Variants in SPOCK3 observed in about 807,000 individuals in gnomAD.
SPOCK3 encodes testican-3.
In SPOCK3, 30 loss-of-function variants were observed where a neutral mutation model predicts 56.6. The ratio of observed to expected loss-of-function variants is 0.53; its 90% CI spans 0.40 to 0.72. The LOEUF (loss-of-function observed/expected upper bound fraction) is 0.72. SPOCK3 is among the 30% of genes least tolerant of loss of function. The pLI is 0.00. For synonymous variants in SPOCK3, 196 were observed against 183.3 expected, an observed-to-expected ratio of 1.07 and a Z score of -0.56; for missense variants, 527 against 530.0, an observed-to-expected ratio of 0.99 and a Z score of 0.06.
In SPOCK3 at chr4:167,027,916, T is replaced by C. The variant is rs72635172; in HGVS notation, c.236-27453A>G. ...ACCCATGTTGTTCAAGAATCAACTG[T>C]ACCTAAGTTTTGTTTTTTGTTTTCT... is the stretch of plus-strand genomic sequence containing the variant. On this transcript the variant is annotated intron_variant, in intron 3 of 10. Transcript: ENST00000357545. Among the ~76,000 whole-genome samples the C allele has an allele frequency of 5.5e-3, 832 of 152,138 alleles. 19 individuals carry two copies. The East Asian group carries it at 0.094, about 17-fold the overall frequency.
chr4:167,151,620 A>G (rs984786704), intron 2 of SPOCK3, among the ~76,000 whole-genome samples: 56 of 151,704 alleles, frequency 3.7e-4, no homozygotes, highest in African/African-American at 1.0e-3. Flanking sequence ...TATTTTTAGT[A>G]GAGACGGGGT....
chr4:166,771,774 T>G (rs1191443590), intron 7 of SPOCK3, among the ~76,000 whole-genome samples: 1 of 152,060 alleles, frequency 6.6e-6, no homozygotes, highest in Non-Finnish European at 1.5e-5. Flanking sequence ...TACTTTTGTT[T>G]CACACTATAT....
At chr4:167,130,451 G>C (rs998418809) in intron 2 of SPOCK3, among the ~76,000 whole-genome samples, 4 of 151,942 alleles carry the variant, frequency 2.6e-5, no homozygotes, top group African/African-American at 9.7e-5. Flanking sequence ...AAACAAAGAA[G>C]TCAAGCCATT....
In SPOCK3 at chr4:166,737,578, C is replaced by A; in HGVS notation, c.1021G>T (p.Asp341Tyr). Residue 341 changes from aspartate (D) to tyrosine (Y), a missense_variant, in exon 10 of 11, where the codon GAT (aspartate) becomes TAT (tyrosine). Coordinates refer to ENST00000357545, the MANE Select transcript of SPOCK3 (RefSeq NM_001040159.2). ...LGQYIPLCDE[D>Y]GYYKPTQCHG... ...CATTGTGTTGGCTTGTAGTAACCAT[C>A]TTCATCACACAGGGGGATATACTGT... 1.9e-6 allele frequency: 3 copies of A among 1,612,830 alleles called. No individual in the cohort carries two copies. The highest frequency in any genetic ancestry group is 1.7e-4 in the Middle Eastern group (1 of 6,054).
At chr4:167,085,934 G>A (rs1758157030) in intron 2 of SPOCK3, among the ~76,000 whole-genome samples, 1 of 151,982 alleles carries the variant, frequency 6.6e-6, no homozygotes, top group South Asian at 2.1e-4. Flanking sequence ...AACATCCATT[G>A]TTGGGATAAA....
At chr4:167,127,520 C>T (rs916460847) in intron 2 of SPOCK3, among the ~76,000 whole-genome samples, 10 of 151,988 alleles carry the variant, frequency 6.6e-5, no homozygotes, top group South Asian at 4.2e-4. Context: ...CTCTGGTTCC[C>T]GGGTTCAAGC....
chr4:166,753,544 A>T (rs1320659888), intron 8 of SPOCK3, among the ~76,000 whole-genome samples: 1 of 151,994 alleles, frequency 6.6e-6, no homozygotes, highest in East Asian at 1.9e-4. Context: ...TTTCATCCCT[A>T]ATTACTGAAC....
chr4:167,100,243 C>T (rs1022226680), intron 2 of SPOCK3, among the ~76,000 whole-genome samples: 1 of 152,068 alleles, frequency 6.6e-6, no homozygotes, highest in Admixed American at 6.6e-5. Flanking sequence ...TATTGTTAGA[C>T]GTCCTCTCTT....
chr4:166,820,490 GA>G (rs991350006), intron 6 of SPOCK3, among the ~76,000 whole-genome samples: 2 of 151,756 alleles, frequency 1.3e-5, no homozygotes, highest in Non-Finnish European at 2.9e-5. Flanking sequence ...ATGGTCAATT[GA>G]TTTTTTTTTT....
rs1017168733 is a variant in SPOCK3 at position 166,734,609 on chromosome 4, A to T, written c.*312T>A. ...TGTACGATCCCAAGCACTAGCTGTC[A>T]TTTTGCTTATGGAAGATTTACAAAG... On this transcript the variant is annotated 3_prime_UTR_variant, in exon 11 of 11. Transcript: ENST00000357545. 3.0e-4 allele frequency: 66 copies of T among 216,436 alleles called. No homozygotes were observed. The highest frequency in any genetic ancestry group is 1.4e-3 in the African/African-American group (60 of 44,180). The allele number at this position is 216,436 out of a possible 1,614,324, so 13.4% of individuals were successfully genotyped here.
chr4:166,753,014 T>C (rs376807535), intron 8 of SPOCK3, among the ~76,000 whole-genome samples: 2 of 151,866 alleles, frequency 1.3e-5, no homozygotes, highest in Non-Finnish European at 2.9e-5. Flanking sequence ...AAATGAAACA[T>C]AGATAACATA....
intron 6 of SPOCK3, among the ~76,000 whole-genome samples, chr4:166,823,227 T>G (rs1332073575): frequency 6.6e-6 from 1 of 152,068 alleles, no homozygotes; most frequent in Non-Finnish European, 1.5e-5. Context: ...ATAAACACTT[T>G]CAAGCTGAGA....
chr4:167,074,302 A>T (rs932883617), intron 2 of SPOCK3, among the ~76,000 whole-genome samples: 3 of 151,934 alleles, frequency 2.0e-5, no homozygotes, highest in Non-Finnish European at 4.4e-5. Context: ...TGAGTATCAG[A>T]AATCTGGGCA....
intron 4 of SPOCK3, among the ~76,000 whole-genome samples, chr4:166,982,481 G>A (rs1379242192): frequency 6.6e-6 from 1 of 152,204 alleles, no homozygotes; most frequent in Non-Finnish European, 1.5e-5. Context: ...GAACTCGGGA[G>A]ATGGAGCTTG....
chr4:167,119,658 TAG>T (rs1761707534), intron 2 of SPOCK3: 4 of 602,226 alleles, frequency 6.6e-6, no homozygotes, highest in Admixed American at 5.9e-5. Flanking sequence ...ACATCAGTCA[TAG>T]ACTTGTTTGT....
intron 6 of SPOCK3, among the ~76,000 whole-genome samples, chr4:166,821,028 A>G (rs1012707868): frequency 1.3e-5 from 2 of 152,058 alleles, no homozygotes; most frequent in Non-Finnish European, 2.9e-5. Flanking sequence ...CTTGAGAGAA[A>G]GAGAAGATGT....
chr4:167,107,566 C>T (rs1561221861), intron 2 of SPOCK3, among the ~76,000 whole-genome samples: 1 of 151,834 alleles, frequency 6.6e-6, no homozygotes. Flanking sequence ...AAACAGAAAG[C>T]CTTTCCTCTA....
chr4:166,936,529 A>AT (rs1345101177), intron 4 of SPOCK3, among the ~76,000 whole-genome samples: 4 of 152,010 alleles, frequency 2.6e-5, no homozygotes, highest in African/African-American at 7.2e-5. Flanking sequence ...AGCCCTTAGG[A>AT]TTTTTTTAAT....
intron 6 of SPOCK3, among the ~76,000 whole-genome samples, chr4:166,837,738 TTGACTTTTAC>T (rs1201112705): frequency 6.6e-6 from 1 of 152,228 alleles, no homozygotes; most frequent in African/African-American, 2.4e-5. Flanking sequence ...GTCAATTTTA[TTGACTTTTAC>T]TTTTTTGTAC....
Sources: gnomAD v4.1 joint callset for allele counts (sites outside exome capture counted in the v4.1 genomes callset) on GRCh38, gnomAD v4.1.1 for gene constraint, MANE v1.5 for transcripts, NCBI Gene and HGNC (gene_info 2026-07-23, HGNC 2026-07-21) for gene names.